PREX2: variants seen among roughly 807,000 people sequenced by gnomAD.
PREX2 encodes phosphatidylinositol 3,4,5-trisphosphate-dependent Rac exchanger 2 protein.
PREX2 carries 107 observed loss-of-function variants against 203.2 expected under a neutral mutation model. The ratio of observed to expected loss-of-function variants is 0.53; its 90% CI spans 0.45 to 0.62. The LOEUF (loss-of-function observed/expected upper bound fraction) is 0.62, where lower values mean the gene tolerates loss of function less well. Among genes scored for constraint, PREX2 ranks in the 20% least tolerant of loss-of-function variants. The pLI, the probability that PREX2 is intolerant of heterozygous loss-of-function variation, is 0.00. For synonymous variants in PREX2, 672 were observed against 663.6 expected (o/e 1.01, Z -0.19); for missense variants, 1,777 against 1,955.9 (o/e 0.91, Z 1.72).
Position 68,069,087 on chromosome 8 carries a change from A to G in PREX2, c.1394A>G (p.Asp465Gly). Residue 465 changes from aspartate (D) to glycine (G), a missense_variant, in exon 12 of 40, where the codon GAT becomes GGT. Asp to Gly is a moderately conservative substitution (Grantham distance 94). Transcript: ENST00000288368. Reference sequence around the variant, plus strand: ...CAGATGTTATATAGATTTCGCTATGATGATGGAACATTTTATCCAAGAAAT... The same window carrying G: ...CAGATGTTATATAGATTTCGCTATGGTGATGGAACATTTTATCCAAGAAAT... ...PEQMLYRFRY[D>G]DGTFYPRNEM... 6.3e-7 allele frequency: 1 copy of G among 1,576,318 alleles called. No homozygotes were observed. Among genetic ancestry groups the G allele is most frequent in the Non-Finnish European group, 8.6e-7 (1 of 1,164,962 alleles).
At position 68,231,738 on chromosome 8, in the gene PREX2, C is replaced by T. The variant is rs2280638; in HGVS notation, c.*360C>T. The T allele has an allele frequency of 0.28, 55,477 of 198,058 alleles. 8,366 individuals carry two copies. Among genetic ancestry groups the T allele is most frequent in the South Asian group, 0.45 (2,405 of 5,314 alleles). 12.3% of individuals were successfully genotyped at this position (198,058 alleles called of 1,614,324 possible). A position where few individuals can be genotyped will look rare whatever the true frequency, so the allele number is the denominator to read the frequency against. On this transcript the variant is annotated 3_prime_UTR_variant, in exon 40 of 40. Coordinates refer to ENST00000288368, the MANE Select transcript of PREX2 (RefSeq NM_024870.4). ...CATTCATTAAAATGGTTTTATTATGCTTGTTTTCATCTTTCCCAAGTGGAC... is the reference window on the plus strand; with the variant it reads ...CATTCATTAAAATGGTTTTATTATGTTTGTTTTCATCTTTCCCAAGTGGAC...
chr8:68,045,387 G>A (rs1217745648), intron 8 of PREX2, among the ~76,000 whole-genome samples: 1 of 152,084 alleles, frequency 6.6e-6, no homozygotes, highest in African/African-American at 2.4e-5. Context: ...CGTTATACAT[G>A]TGGGATTGGG....
At position 68,127,431 on chromosome 8, in the gene PREX2, C is replaced by G. The variant is rs756062210; in HGVS notation, c.3766+12C>G. ...TCTTGAATATTCAGGTAACATTTTGCATTTTATTTTTTTTTACTATTTAAG... is the reference window on the plus strand; with the variant it reads ...TCTTGAATATTCAGGTAACATTTTGGATTTTATTTTTTTTTACTATTTAAG... On this transcript the variant is annotated intron_variant, in intron 31 of 39. Transcript: ENST00000288368. 1.4e-5 allele frequency: 23 copies of G among 1,597,362 alleles called. No homozygotes were observed. Among genetic ancestry groups the G allele is most frequent in the Non-Finnish European group, 2.0e-5 (23 of 1,166,898 alleles).
intron 1 of PREX2, among the ~76,000 whole-genome samples, chr8:68,005,739 C>T (rs1444681955): frequency 6.6e-6 from 1 of 152,198 alleles, no homozygotes; most frequent in Non-Finnish European, 1.5e-5. Context: ...GTATGTACCA[C>T]CATCTGAACT....
chr8:68,162,046 C>A (rs1481740934), intron 35 of PREX2, among the ~76,000 whole-genome samples: 1 of 152,118 alleles, frequency 6.6e-6, no homozygotes, highest in African/African-American at 2.4e-5. Flanking sequence ...GAGATTTATT[C>A]AATATCATGA....
At chr8:68,117,986 G>A (rs1810690476) in intron 26 of PREX2, among the ~76,000 whole-genome samples, 1 of 152,172 alleles carries the variant, frequency 6.6e-6, no homozygotes, top group Non-Finnish European at 1.5e-5. Flanking sequence ...TAGTTTTATA[G>A]CTAACTGCCC....
intron 37 of PREX2, among the ~76,000 whole-genome samples, chr8:68,202,750 G>A (rs1812532258): frequency 6.6e-6 from 1 of 152,126 alleles, no homozygotes. Context: ...GAGAGACAGA[G>A]AGACGAAGAA....
chr8:68,029,140 T>C (rs1807810529), intron 5 of PREX2, among the ~76,000 whole-genome samples: 1 of 152,144 alleles, frequency 6.6e-6, no homozygotes, highest in Non-Finnish European at 1.5e-5. Context: ...GATTAGGTTG[T>C]AGTGTTAGGA....
intron 13 of PREX2, among the ~76,000 whole-genome samples, chr8:68,070,564 C>G (rs1048132406): frequency 7.2e-5 from 11 of 152,090 alleles, no homozygotes; most frequent in Admixed American, 2.0e-4. Flanking sequence ...ACTGATATAC[C>G]TTAACTGATA....
At position 68,053,186 on chromosome 8, in the gene PREX2, A is replaced by T. The variant is rs777847032; in HGVS notation, c.1033A>T (p.Thr345Ser). The change falls in exon 9 of 40, where the codon ACA (threonine) becomes TCA (serine). Residue 345 changes from threonine to serine, a missense_variant. Physicochemically the swap from Thr to Ser is moderately conservative, Grantham distance 58 (BLOSUM62 1). Coordinates refer to ENST00000288368, the MANE Select transcript of PREX2 (RefSeq NM_024870.4). ...KNKWFVCMAK[T>S]PEEKHEWFEA... ...TAAATGGTTTGTTTGTATGGCAAAAACACCTGAAGAGAAGCATGAATGGTT... is the reference window on the plus strand; with the variant it reads ...TAAATGGTTTGTTTGTATGGCAAAATCACCTGAAGAGAAGCATGAATGGTT... 5.0e-6 allele frequency: 8 copies of T among 1,613,720 alleles called. No individual in the cohort carries two copies. Among genetic ancestry groups the T allele is most frequent in the Non-Finnish European group, 6.8e-6 (8 of 1,179,788 alleles).
intron 35 of PREX2, among the ~76,000 whole-genome samples, chr8:68,188,802 G>A (rs531763128): frequency 3.4e-4 from 51 of 152,236 alleles, no homozygotes; most frequent in Middle Eastern, 3.4e-3. Flanking sequence ...CCCTTGACAC[G>A]TGAGGATTAT....
intron 11 of PREX2, among the ~76,000 whole-genome samples, chr8:68,068,517 G>A (rs2571371): frequency 1 from 152,170 of 152,176 alleles, 76,082 homozygotes; most frequent in Middle Eastern, 1. Context: ...CACAGGATAA[G>A]TGGTCAAGAT....
intron 35 of PREX2, among the ~76,000 whole-genome samples, chr8:68,182,998 T>G (rs372635989): frequency 5.6e-4 from 85 of 151,376 alleles, no homozygotes; most frequent in African/African-American, 2.0e-3. Context: ...ATGTGGATGG[T>G]GTGTTGGGGG....
intron 1 of PREX2, among the ~76,000 whole-genome samples, chr8:67,998,623 C>G (rs1036128709): frequency 3.9e-5 from 6 of 152,132 alleles, no homozygotes; most frequent in Non-Finnish European, 8.8e-5. Flanking sequence ...AAAAAATTAG[C>G]TAGGCACGGT....
chr8:68,035,330 T>C (rs1807997749), intron 6 of PREX2, among the ~76,000 whole-genome samples: 1 of 152,166 alleles, frequency 6.6e-6, no homozygotes, highest in Non-Finnish European at 1.5e-5. Flanking sequence ...TTGTCAGTCT[T>C]GTCAATTTTC....
At chr8:68,069,684 T>C (rs977311649) in intron 12 of PREX2, 151 bp from the exon 13 acceptor site, 3 of 427,466 alleles carry the variant, frequency 7.0e-6, no homozygotes, top group Non-Finnish European at 1.2e-5. Flanking sequence ...ATTTTTATGA[T>C]ATATCATGAT....
chr8:68,088,121 G>T (rs2129612124), intron 19 of PREX2, among the ~76,000 whole-genome samples: 1 of 152,172 alleles, frequency 6.6e-6, no homozygotes, highest in Non-Finnish European at 1.5e-5. Context: ...TCAAGTAATT[G>T]TATTTCTTTG....
At chr8:68,226,898 C>T (rs1352387627) in intron 39 of PREX2, among the ~76,000 whole-genome samples, 1 of 152,128 alleles carries the variant, frequency 6.6e-6, no homozygotes, top group South Asian at 2.1e-4. Context: ...TAATGCATGT[C>T]CCATACTGGG....
In PREX2 at chr8:68,093,639, A is replaced by C. The variant is rs765196194; in HGVS notation, c.2285A>C (p.Glu762Ala). ...ATACAATGGGTTTATAATAGCATTG[A>C]GAGTGCTCAAGAAGACCTTCAAAAA... The part of the protein sequence containing the change: ...DSIQWVYNSI[E>A]SAQEDLQKSH... Residue 762 changes from glutamate (E) to alanine (A), a missense_variant, in exon 21 of 40, where the codon GAG becomes GCG. Transcript: ENST00000288368. The C allele has an allele frequency of 1.2e-6, 2 of 1,608,936 alleles. No individual in the cohort carries two copies. Among genetic ancestry groups the C allele is most frequent in the South Asian group, 2.2e-5 (2 of 90,818 alleles).
Sources: allele counts gnomAD v4.1 joint callset (sites outside exome capture counted in the v4.1 genomes callset), GRCh38; gene constraint gnomAD v4.1.1; transcripts MANE v1.5; gene names NCBI Gene and HGNC (gene_info 2026-07-23, HGNC 2026-07-21).